The following HYDIN variants were observed in gnomAD, a reference collection of about 807,000 sequenced individuals.
The protein encoded by HYDIN is axonemal central pair apparatus protein HYDIN.
HYDIN carries 132 observed loss-of-function variants against 403.9 expected under a neutral mutation model. The ratio of observed to expected loss-of-function variants is 0.33; its 90% CI spans 0.28 to 0.38. The LOEUF (loss-of-function observed/expected upper bound fraction) is 0.38. Ranked by LOEUF, HYDIN falls within the 10% of genes least tolerant of loss-of-function variation. The probability of loss-of-function intolerance (pLI) is 1.00; values close to 1 mark genes in which losing one functional copy is unlikely to be tolerated. For missense variants in HYDIN, 2,827 were observed against 5,009.5 expected, an observed-to-expected ratio of 0.56 and a Z score of 13.15; for synonymous variants, 1,202 against 1,891.7, an observed-to-expected ratio of 0.64 and a Z score of 9.46.
At chr16:71,212,014 C>G (rs1251190887) in intron 1 of HYDIN, among the ~76,000 whole-genome samples, 1 of 152,018 alleles carries the variant, frequency 6.6e-6, no homozygotes, top group African/African-American at 2.4e-5. Context: ...AAACAAAAAT[C>G]AACAACAATC....
chr16:71,189,536 G>T (rs1205419767), intron 1 of HYDIN, among the ~76,000 whole-genome samples: 1 of 152,116 alleles, frequency 6.6e-6, no homozygotes, highest in Non-Finnish European at 1.5e-5. Context: ...GGGAGGCCGA[G>T]GCAGGCGGAT....
At chr16:70,860,301 A>G in intron 70 of HYDIN, 95 bp from the exon 71 acceptor site, 1 of 1,394,748 alleles carries the variant, frequency 7.2e-7, no homozygotes, top group East Asian at 2.3e-5. Context: ...CCAGTCCCCC[A>G]TCTGGGAAGC....
chr16:71,010,321 T>C (rs564358439), intron 23 of HYDIN, among the ~76,000 whole-genome samples: 2 of 152,288 alleles, frequency 1.3e-5, no homozygotes, highest in South Asian at 4.1e-4. Context: ...GGTACAAAGC[T>C]GGTGAGGAAG....
chr16:71,209,497 T>C (rs1459087359), intron 1 of HYDIN, among the ~76,000 whole-genome samples: 1 of 151,640 alleles, frequency 6.6e-6, no homozygotes, highest in East Asian at 1.9e-4. Context: ...TCAAAGGATG[T>C]CCACTCTCAC....
intron 1 of HYDIN, among the ~76,000 whole-genome samples, chr16:71,229,101 A>G (rs1459034573): frequency 6.8e-6 from 1 of 148,010 alleles, no homozygotes; most frequent in African/African-American, 2.5e-5. Context: ...GTGGGCAACG[A>G]ACAATGAGAA....
chr16:71,224,101 T>C (rs2040924287), intron 1 of HYDIN, among the ~76,000 whole-genome samples: 1 of 152,244 alleles, frequency 6.6e-6, no homozygotes, highest in Non-Finnish European at 1.5e-5. Flanking sequence ...TACCATGGAA[T>C]ACTACTCAAC....
chr16:70,996,533 C>A (rs889985933), intron 23 of HYDIN, among the ~76,000 whole-genome samples: 1 of 151,922 alleles, frequency 6.6e-6, no homozygotes, highest in Non-Finnish European at 1.5e-5. Context: ...AGTAAGAGAA[C>A]CCTCCGCATC....
chr16:71,212,020 C>A (rs867386925), intron 1 of HYDIN, among the ~76,000 whole-genome samples: 2 of 151,970 alleles, frequency 1.3e-5, no homozygotes, highest in African/African-American at 2.4e-5. Context: ...AAATCAACAA[C>A]AATCAAAAAA....
In HYDIN at chr16:70,810,070, G is replaced by T; in HGVS notation, c.14659-63C>A. The T allele has an allele frequency of 2.7e-6, 4 of 1,470,376 alleles. No homozygotes were observed. In the South Asian group the frequency reaches 4.6e-5, roughly 17 times the overall value. 91.1% of individuals were successfully genotyped at this position (1,470,376 alleles called of 1,614,324 possible). A position where few individuals can be genotyped will look rare whatever the true frequency, so the allele number is the denominator to read the frequency against. On this transcript the variant is annotated intron_variant, in intron 84 of 85. Coordinates refer to ENST00000393567, the MANE Select transcript of HYDIN (RefSeq NM_001270974.2). ...GCTAATTCATCACCTGCCACCTAGA[G>T]ACCTGCCCAAGGCTCCATAGCAGGT...
intron 21 of HYDIN, among the ~76,000 whole-genome samples, chr16:71,021,791 A>G (rs1024705099): frequency 3.9e-5 from 6 of 151,992 alleles, no homozygotes; most frequent in African/African-American, 9.7e-5. Flanking sequence ...CTTTGTGCCA[A>G]TATCAGTTAA....
intron 58 of HYDIN, among the ~76,000 whole-genome samples, chr16:70,886,486 T>G (rs1244487147): frequency 6.6e-6 from 1 of 152,012 alleles, no homozygotes; most frequent in Non-Finnish European, 1.5e-5. Context: ...TCTACTGAAT[T>G]TACCTACATT....
At chr16:71,061,842 G>A (rs2144272630) in intron 17 of HYDIN, among the ~76,000 whole-genome samples, 1 of 148,938 alleles carries the variant, frequency 6.7e-6, no homozygotes, top group East Asian at 2.0e-4. Flanking sequence ...GGACTGGAGA[G>A]GGGTCAGGCA....
intron 45 of HYDIN, among the ~76,000 whole-genome samples, chr16:70,926,249 G>A (rs2143830751): frequency 6.6e-6 from 1 of 151,876 alleles, no homozygotes; most frequent in South Asian, 2.1e-4. Context: ...AAGAAAATGT[G>A]GCACATAGAC....
chr16:71,081,989 A>T (rs2144345278), intron 12 of HYDIN, among the ~76,000 whole-genome samples: 1 of 137,416 alleles, frequency 7.3e-6, no homozygotes, highest in Non-Finnish European at 1.5e-5. Context: ...TGTGTTATAT[A>T]ACTGGAAGAG....
intron 1 of HYDIN, among the ~76,000 whole-genome samples, chr16:71,189,746 A>AAC (rs2087332192): frequency 6.7e-6 from 1 of 150,058 alleles, no homozygotes; most frequent in South Asian, 2.2e-4. Flanking sequence ...TAGCCTGGGC[A>AAC]ACACAGCAAG....
chr16:71,041,332 G>A (rs1473160940), intron 18 of HYDIN, among the ~76,000 whole-genome samples: 3 of 150,504 alleles, frequency 2.0e-5, no homozygotes, highest in African/African-American at 7.3e-5. Context: ...AAGATGTATC[G>A]AGACTTTTAG....
intron 2 of HYDIN, 65 bp downstream of exon 2, chr16:71,186,696 G>C: frequency 7.8e-7 from 1 of 1,285,756 alleles, no homozygotes; most frequent in Admixed American, 2.1e-5. Flanking sequence ...ATGCCAAGTA[G>C]CAACTGTCAT....
At chr16:71,226,670 T>C (rs2041046455) in intron 1 of HYDIN, among the ~76,000 whole-genome samples, 1 of 152,184 alleles carries the variant, frequency 6.6e-6, no homozygotes, top group Non-Finnish European at 1.5e-5. Flanking sequence ...TCTTTTTAAA[T>C]AAACAGAAAT....
chr16:71,179,343 A>G (rs2086808890), intron 3 of HYDIN, among the ~76,000 whole-genome samples: 1 of 152,088 alleles, frequency 6.6e-6, no homozygotes, highest in South Asian at 2.1e-4. Context: ...AATCCTGAAA[A>G]AAAAAAAACA....
Sources: allele counts gnomAD v4.1 joint callset (sites outside exome capture counted in the v4.1 genomes callset), GRCh38; gene constraint gnomAD v4.1.1; transcripts MANE v1.5; gene names NCBI Gene and HGNC (gene_info 2026-07-23, HGNC 2026-07-21).